DRG1: variants seen among roughly 807,000 people sequenced by gnomAD.
The protein encoded by DRG1 is developmentally regulated GTP binding protein 1.
In DRG1, 19 loss-of-function variants were observed where a neutral mutation model predicts 38.8. The observed-to-expected ratio is 0.49, with a 90% CI of 0.34 to 0.72. The LOEUF (loss-of-function observed/expected upper bound fraction) is 0.72, where lower values mean the gene tolerates loss of function less well. DRG1 is among the 30% of genes least tolerant of loss of function. The pLI is 0.01. For missense variants in DRG1, 299 were observed against 444.8 expected, an observed-to-expected ratio of 0.67 and a Z score of 2.95; for synonymous variants, 167 against 157.5, an observed-to-expected ratio of 1.06 and a Z score of -0.45.
chr22:31,416,793 C>T (rs763913457), intron 4 of DRG1, among the ~76,000 whole-genome samples: 3 of 151,702 alleles, frequency 2.0e-5, no homozygotes, highest in Non-Finnish European at 4.4e-5. Context: ...GTCCCAGCTA[C>T]TCAGAAGGCT....
chr22:31,400,665 C>T lies in DRG1; in HGVS notation c.88C>T (p.Leu30=). Residue 30 remains leucine (L), a synonymous_variant, in exon 2 of 9, where the codon CTG becomes TTG. Coordinates refer to ENST00000331457, the MANE Select transcript of DRG1 (RefSeq NM_004147.4). ...KNKATAHHLG[L]LKARLAKLRR... ...CAAGGCCACAGCACACCACTTAGGG[C>T]TGCTTAAGGCTCGTCTTGCTAAGCT... 6.2e-7 allele frequency: 1 copy of T among 1,613,458 alleles called. No homozygotes were observed. Among genetic ancestry groups the T allele is most frequent in the Non-Finnish European group, 8.5e-7 (1 of 1,179,636 alleles).
At chr22:31,418,849 T>C (rs2050059048) in intron 4 of DRG1, among the ~76,000 whole-genome samples, 1 of 152,096 alleles carries the variant, frequency 6.6e-6, no homozygotes, top group African/African-American at 2.4e-5. Flanking sequence ...ATCCGGCTAA[T>C]TTTTTGAATT....
Position 31,400,618 on chromosome 22 carries a change from A to G in DRG1, c.43-2A>G. 6.2e-7 allele frequency: 1 copy of G among 1,612,502 alleles called. No homozygotes were observed. The highest frequency in any genetic ancestry group is 8.5e-7 in the Non-Finnish European group (1 of 1,179,090). ...TTTATGGCTGTGATTCCTCCCTTTT[A>G]GATGGCTCGGACTCAAAAGAACAAG... On this transcript the variant is annotated splice_acceptor_variant, in intron 1 of 8. Transcript: ENST00000331457. LOFTEE classifies it high-confidence loss of function.
At position 31,433,907 on chromosome 22, in the gene DRG1, C is replaced by A; in HGVS notation, c.1040C>A (p.Pro347His). ...TGGGGTCTCTCTGTGAAACACAATC[C>A]TCAGAAAGTGGGTAAAGACCATACG... ...LVWGLSVKHN[P>H]QKVGKDHTLE... The change falls in exon 9 of 9, where the codon CCT (proline) becomes CAT (histidine). Residue 347 changes from proline (P) to histidine (H), a missense_variant. Coordinates refer to ENST00000331457, the MANE Select transcript of DRG1 (RefSeq NM_004147.4). 1 of 1,614,134 alleles carries A rather than the reference C, an allele frequency of 6.2e-7. No homozygotes were observed. Among genetic ancestry groups the A allele is most frequent in the Non-Finnish European group, 8.5e-7 (1 of 1,179,972 alleles).
At chr22:31,429,654 C>CT (rs695526) in intron 8 of DRG1, among the ~76,000 whole-genome samples, 1,743 of 144,028 alleles carry the variant, frequency 0.012, 24 homozygotes, top group African/African-American at 0.038. Flanking sequence ...TGATAAGCTC[C>CT]TTTTTTTTTT....
intron 3 of DRG1, among the ~76,000 whole-genome samples, chr22:31,407,968 CAAA>C (rs539186674): frequency 6.8e-6 from 1 of 147,606 alleles, no homozygotes; most frequent in Non-Finnish European, 1.5e-5. Flanking sequence ...TAAAAATACA[CAAA>C]AAAAATTAGT....
intron 8 of DRG1, among the ~76,000 whole-genome samples, chr22:31,427,730 T>C (rs2050118720): frequency 6.6e-6 from 1 of 152,068 alleles, no homozygotes; most frequent in African/African-American, 2.4e-5. Context: ...TATACCCGGC[T>C]AATTTTTAAT....
intron 6 of DRG1, among the ~76,000 whole-genome samples, chr22:31,426,210 C>A (rs2145870224): frequency 1.3e-5 from 2 of 152,254 alleles, no homozygotes; most frequent in Middle Eastern, 3.4e-3. Context: ...GATAATGAAA[C>A]CTGCAGATGC....
At chr22:31,432,429 GTT>G (rs556570663) in intron 8 of DRG1, among the ~76,000 whole-genome samples, 4 of 135,704 alleles carry the variant, frequency 2.9e-5, no homozygotes, top group African/African-American at 2.7e-5. Context: ...GTGTGTGTGT[GTT>G]TTTTTTTTTT....
Position 31,406,252 on chromosome 22 carries a change from G to A in DRG1, c.342+3048G>A, listed in dbSNP as rs749879663. 7.2e-5 allele frequency among the ~76,000 whole-genome samples: 11 copies of A among 152,058 alleles called. No individual in the cohort carries two copies. In the South Asian group the frequency reaches 2.3e-3, roughly 32 times the overall value. Reference sequence around the variant, plus strand: ...CCTGACCTCATGATCTGCCTGCCTCGACCTCCCAAAATGTTGGGATTACAG... The same window carrying A: ...CCTGACCTCATGATCTGCCTGCCTCAACCTCCCAAAATGTTGGGATTACAG... On this transcript the variant is annotated intron_variant, in intron 3 of 8. Transcript: ENST00000331457.
intron 3 of DRG1, among the ~76,000 whole-genome samples, chr22:31,404,956 T>G (rs1413211091): frequency 1.3e-5 from 2 of 152,078 alleles, no homozygotes; most frequent in Non-Finnish European, 2.9e-5. Flanking sequence ...TTTTTAGGTT[T>G]TGGTTGGTTG....
chr22:31,426,369 T>A, intron 6 of DRG1: 1 of 380,990 alleles, frequency 2.6e-6, no homozygotes, highest in Non-Finnish European at 4.7e-6. Context: ...TCAAAGCTTG[T>A]GTTCTTTCCA....
chr22:31,399,641 G>A lies in DRG1; in HGVS notation c.-43G>A. The A allele has an allele frequency of 2.5e-6, 4 of 1,613,964 alleles. No homozygotes were observed. Among genetic ancestry groups the A allele is most frequent in the Non-Finnish European group, 3.4e-6 (4 of 1,179,832 alleles). Reference sequence around the variant, plus strand: ...TGGCGGTGGCAGTTTGCCCGCGGGTGTGTGAAGGGAGACAGTGTGGAGGCC... The same window carrying A: ...TGGCGGTGGCAGTTTGCCCGCGGGTATGTGAAGGGAGACAGTGTGGAGGCC... On this transcript the variant is annotated 5_prime_UTR_variant, in exon 1 of 9. The change creates a new upstream start codon in the 5' untranslated region. Transcript: ENST00000331457.
chr22:31,406,013 T>C (rs1051690858), intron 3 of DRG1, among the ~76,000 whole-genome samples: 13 of 151,104 alleles, frequency 8.6e-5, no homozygotes, highest in South Asian at 2.1e-4. Context: ...TTTCTTTTTT[T>C]TTTTTTTTTG....
At chr22:31,417,539 G>A (rs1229807880) in intron 4 of DRG1, among the ~76,000 whole-genome samples, 3 of 151,088 alleles carry the variant, frequency 2.0e-5, no homozygotes, top group Non-Finnish European at 4.4e-5. Context: ...AAGTAGCTGG[G>A]CATGGTGATG....
intron 3 of DRG1, among the ~76,000 whole-genome samples, chr22:31,404,526 C>T (rs2049979478): frequency 6.6e-6 from 1 of 152,084 alleles, no homozygotes; most frequent in Admixed American, 6.5e-5. Flanking sequence ...AGGCGTGAGC[C>T]ACCGCGCCTG....
Position 31,427,196 on chromosome 22 carries a change from G to C in DRG1, c.1004+14G>C, listed in dbSNP as rs754129324. ...AGAATTTAAATAGTAAGTATCATGG[G>C]CCTGTGGTCCCTCCTTTTTCCTATG... is the stretch of plus-strand genomic sequence containing the variant. On this transcript the variant is annotated intron_variant, in intron 8 of 8. Coordinates refer to ENST00000331457, the MANE Select transcript of DRG1 (RefSeq NM_004147.4). The C allele has an allele frequency of 1.2e-6, 2 of 1,612,840 alleles. No individual in the cohort carries two copies. Among genetic ancestry groups the C allele is most frequent in the Admixed American group, 1.7e-5 (1 of 59,846 alleles).
Position 31,433,891 on chromosome 22 carries a change from T to G in DRG1, c.1024T>G (p.Ser342Ala). The G allele has an allele frequency of 6.2e-7, 1 of 1,614,156 alleles. No individual in the cohort carries two copies. The highest frequency in any genetic ancestry group is 8.5e-7 in the Non-Finnish European group (1 of 1,179,968). The change falls in exon 9 of 9, where the codon TCT (serine) becomes GCT (alanine). Residue 342 changes from serine to alanine, a missense_variant. Transcript: ENST00000331457. ...EFKYALVWGL[S>A]VKHNPQKVGK... Reference sequence around the variant, plus strand: ...ATGCAGTGCTCTGGTCTGGGGTCTCTCTGTGAAACACAATCCTCAGAAAGT... The same window carrying G: ...ATGCAGTGCTCTGGTCTGGGGTCTCGCTGTGAAACACAATCCTCAGAAAGT...
intron 4 of DRG1, among the ~76,000 whole-genome samples, chr22:31,413,527 G>A (rs2050028952): frequency 1.4e-5 from 2 of 147,602 alleles, no homozygotes; most frequent in African/African-American, 2.5e-5. Context: ...CTTTGTTTCT[G>A]TCTTCTGATT....
Sources: allele counts gnomAD v4.1 joint callset (sites outside exome capture counted in the v4.1 genomes callset), GRCh38; gene constraint gnomAD v4.1.1; transcripts MANE v1.5; gene names NCBI Gene and HGNC (gene_info 2026-07-23, HGNC 2026-07-21).